The following ESRRG variants were observed in gnomAD, a reference collection of about 807,000 sequenced individuals.
ESRRG encodes estrogen related receptor gamma.
A neutral mutation model predicts 44.0 loss-of-function variants in ESRRG; 13 were observed. The observed-to-expected ratio is 0.30, with a 90% confidence interval of 0.19 to 0.47. The LOEUF (loss-of-function observed/expected upper bound fraction) is 0.47, where lower values mean the gene tolerates loss of function less well. Ranked by LOEUF, ESRRG falls within the 20% of genes least tolerant of loss-of-function variation. The pLI, the probability that ESRRG is intolerant of heterozygous loss-of-function variation, is 1.00. For synonymous variants in ESRRG, 215 were observed against 214.6 expected, an observed-to-expected ratio of 1.00 and a Z score of -0.02; for missense variants, 395 against 580.6, an observed-to-expected ratio of 0.68 and a Z score of 3.29.
chr1:216,926,961 T>C (rs908502173), intron 2 of ESRRG, among the ~76,000 whole-genome samples: 2 of 152,224 alleles, frequency 1.3e-5, no homozygotes, highest in Admixed American at 6.5e-5. Flanking sequence ...CTATATTTCA[T>C]GGACACTCTG....
chr1:217,102,010 TAGTC>T (rs1395395522), intron 1 of ESRRG, among the ~76,000 whole-genome samples: 2 of 152,164 alleles, frequency 1.3e-5, no homozygotes, highest in Non-Finnish European at 2.9e-5. Flanking sequence ...GTCTCCATGT[TAGTC>T]AGACTGGTCT....
intron 2 of ESRRG, among the ~76,000 whole-genome samples, chr1:216,835,567 C>G (rs12737994): frequency 6.6e-6 from 1 of 151,998 alleles, no homozygotes; most frequent in African/African-American, 2.4e-5. Context: ...TATAGAAATA[C>G]GGAGTCCTTC....
intron 2 of ESRRG, among the ~76,000 whole-genome samples, chr1:216,911,863 A>G (rs2060343046): frequency 6.6e-6 from 1 of 151,864 alleles, no homozygotes; most frequent in Non-Finnish European, 1.5e-5. Context: ...TGCGCTCAGG[A>G]GTTTGAGATC....
chr1:216,741,293 T>G (rs1267956735), intron 2 of ESRRG, among the ~76,000 whole-genome samples: 2 of 147,898 alleles, frequency 1.4e-5, no homozygotes, highest in Non-Finnish European at 3.0e-5. Flanking sequence ...ATATTTGTAA[T>G]TTATATTATA....
chr1:216,679,355 A>G (rs570391074), intron 1 of ESRRG, among the ~76,000 whole-genome samples: 131 of 135,932 alleles, frequency 9.6e-4, no homozygotes, highest in African/African-American at 4.5e-3. Context: ...TCCTCAAGTC[A>G]TCGTTTGAAA....
intron 1 of ESRRG, among the ~76,000 whole-genome samples, chr1:217,013,974 A>G (rs1353717394): frequency 1.3e-5 from 2 of 152,270 alleles, no homozygotes; most frequent in South Asian, 2.1e-4. Context: ...GTGCCCACCT[A>G]GGTAAATAAT....
At chr1:216,621,349 C>T (rs1337214648) in intron 3 of ESRRG, among the ~76,000 whole-genome samples, 1 of 152,098 alleles carries the variant, frequency 6.6e-6, no homozygotes, top group Non-Finnish European at 1.5e-5. Context: ...CAAAGATGTG[C>T]AATATCAAGA....
chr1:217,099,349 TAAC>T (rs2092471522), intron 1 of ESRRG, among the ~76,000 whole-genome samples: 1 of 140,962 alleles, frequency 7.1e-6, no homozygotes, highest in African/African-American at 2.6e-5. Context: ...AAAGTGAGAA[TAAC>T]AACAATTAGA....
At chr1:216,813,929 C>T (rs974361442) in intron 2 of ESRRG, among the ~76,000 whole-genome samples, 1 of 152,122 alleles carries the variant, frequency 6.6e-6, no homozygotes, top group East Asian at 1.9e-4. Flanking sequence ...TATTATGAGC[C>T]TCTGCTGTGG....
intron 2 of ESRRG, among the ~76,000 whole-genome samples, chr1:216,806,118 C>A (rs1359056058): frequency 1.3e-5 from 2 of 152,194 alleles, no homozygotes; most frequent in Non-Finnish European, 2.9e-5. Context: ...CTGTTTTCTG[C>A]CTACAGTATG....
chr1:216,636,398 T>A (rs1337430743), intron 3 of ESRRG, among the ~76,000 whole-genome samples: 1 of 152,154 alleles, frequency 6.6e-6, no homozygotes, highest in African/African-American at 2.4e-5. Flanking sequence ...AAAGCCAAAA[T>A]AAAGAAAAAG....
intron 2 of ESRRG, among the ~76,000 whole-genome samples, chr1:216,758,726 C>G (rs895956803): frequency 6.6e-6 from 1 of 151,794 alleles, no homozygotes; most frequent in African/African-American, 2.4e-5. Context: ...AAACTGAGAA[C>G]AAAAACACAT....
intron 1 of ESRRG, among the ~76,000 whole-genome samples, chr1:217,071,749 A>T (rs868744186): frequency 2.0e-5 from 3 of 152,138 alleles, no homozygotes; most frequent in African/African-American, 7.2e-5. Flanking sequence ...GGTAATCTAC[A>T]TGTGTTCATT....
chr1:216,965,565 C>A (rs2070142295), intron 1 of ESRRG, among the ~76,000 whole-genome samples: 1 of 152,166 alleles, frequency 6.6e-6, no homozygotes, highest in African/African-American at 2.4e-5. Context: ...CTATGCCCGT[C>A]TTCTAGGAAT....
At chr1:216,948,267 G>A (rs1445337428) in intron 1 of ESRRG, among the ~76,000 whole-genome samples, 1 of 151,868 alleles carries the variant, frequency 6.6e-6, no homozygotes, top group Non-Finnish European at 1.5e-5. Context: ...GAAAGAAATA[G>A]GGGACCTGGC....
chr1:216,919,684 G>A (rs1578152471), intron 2 of ESRRG, among the ~76,000 whole-genome samples: 1 of 152,144 alleles, frequency 6.6e-6, no homozygotes, highest in Non-Finnish European at 1.5e-5. Flanking sequence ...TTGCATATCC[G>A]AATTAGTCTT....
intron 1 of ESRRG, among the ~76,000 whole-genome samples, chr1:216,990,534 C>T (rs1048194698): frequency 2.6e-5 from 4 of 152,102 alleles, no homozygotes; most frequent in Non-Finnish European, 5.9e-5. Context: ...CACTTGTATG[C>T]GGATTTTCTC....
chr1:216,543,044 A>G (rs2053384846), intron 5 of ESRRG, among the ~76,000 whole-genome samples: 1 of 152,070 alleles, frequency 6.6e-6, no homozygotes, highest in African/African-American at 2.4e-5. Flanking sequence ...CACTCAAAAT[A>G]GCCATAGCAC....
chr1:216,931,906 A>T (rs755147714), intron 2 of ESRRG, among the ~76,000 whole-genome samples: 1 of 152,018 alleles, frequency 6.6e-6, no homozygotes, highest in Non-Finnish European at 1.5e-5. Context: ...TCAAACCAAA[A>T]TTAAAAGGTG....
Sources: allele counts gnomAD v4.1 joint callset (sites outside exome capture counted in the v4.1 genomes callset), GRCh38; gene constraint gnomAD v4.1.1; transcripts MANE v1.5; gene names NCBI Gene and HGNC (gene_info 2026-07-23, HGNC 2026-07-21).